Variants in TLK1 observed in about 807,000 individuals in gnomAD.
TLK1 encodes the protein serine/threonine-protein kinase tousled-like 1.
Under a neutral mutation model 105.3 loss-of-function variants are expected in TLK1, and 24 were observed. The ratio of observed to expected loss-of-function variants is 0.23; its 90% CI spans 0.17 to 0.32. The LOEUF (loss-of-function observed/expected upper bound fraction) is 0.32. Among genes scored for constraint, TLK1 ranks in the 10% least tolerant of loss-of-function variants. The pLI, the probability that TLK1 is intolerant of heterozygous loss-of-function variation, is 1.00. For synonymous variants in TLK1, 321 were observed against 310.4 expected, an observed-to-expected ratio of 1.03 and a Z score of -0.36; for missense variants, 558 against 910.5, an observed-to-expected ratio of 0.61 and a Z score of 4.98.
chr2:170,994,012 C>T, intron 20 of TLK1, 56 bp from the exon 21 acceptor site: 1 of 1,499,220 alleles, frequency 6.7e-7, no homozygotes, highest in East Asian at 2.4e-5. Context: ...TTCTAAATAT[C>T]AATCAACTGA....
chr2:171,029,564 G>C (rs191191522), intron 11 of TLK1, among the ~76,000 whole-genome samples: 1 of 152,176 alleles, frequency 6.6e-6, no homozygotes, highest in Non-Finnish European at 1.5e-5. Context: ...CCTGGGCTCA[G>C]GTGACTCTCC....
intron 1 of TLK1, among the ~76,000 whole-genome samples, chr2:171,144,587 TA>T (rs1450668672): frequency 6.6e-6 from 1 of 151,130 alleles, no homozygotes; most frequent in Non-Finnish European, 1.5e-5. Context: ...TCAAATGAAA[TA>T]AAAAGAAAAA....
chr2:171,012,177 T>C (rs1684950326), intron 13 of TLK1, among the ~76,000 whole-genome samples: 1 of 152,092 alleles, frequency 6.6e-6, no homozygotes, highest in Non-Finnish European at 1.5e-5. Context: ...TTGAATGTCA[T>C]GTCAGTGCTC....
At chr2:171,057,722 T>C (rs985532286) in intron 5 of TLK1, among the ~76,000 whole-genome samples, 3 of 152,128 alleles carry the variant, frequency 2.0e-5, no homozygotes, top group African/African-American at 4.8e-5. Flanking sequence ...GAACTTTAAC[T>C]TCTATTCTTT....
At chr2:171,061,786 T>C (rs546448389) in intron 3 of TLK1, among the ~76,000 whole-genome samples, 1 of 152,354 alleles carries the variant, frequency 6.6e-6, no homozygotes, top group African/African-American at 2.4e-5. Context: ...TTTTAAATGT[T>C]TGAAATTTTA....
intron 14 of TLK1, 35 bp downstream of exon 14, chr2:171,011,338 T>C (rs1250369050): frequency 6.4e-7 from 1 of 1,556,716 alleles, no homozygotes; most frequent in Non-Finnish European, 8.8e-7. Flanking sequence ...CCTTGCTACA[T>C]TAGTGTAAAA....
chr2:171,020,988 G>A (rs992905604), intron 12 of TLK1, among the ~76,000 whole-genome samples: 1 of 152,106 alleles, frequency 6.6e-6, no homozygotes, highest in African/African-American at 2.4e-5. Context: ...TGTTCAACTA[G>A]CTTAGATAAT....
chr2:171,071,265 C>G (rs1193430103), intron 3 of TLK1, among the ~76,000 whole-genome samples: 1 of 151,322 alleles, frequency 6.6e-6, no homozygotes, highest in Non-Finnish European at 1.5e-5. Context: ...TGTGCAGAAG[C>G]TTTTTAATTT....
chr2:171,058,107 AT>A, intron 5 of TLK1, 43 bp downstream of exon 5: 1 of 1,597,032 alleles, frequency 6.3e-7, no homozygotes, highest in Non-Finnish European at 8.6e-7. Context: ...TCACAGCAGA[AT>A]AGTACTGAAT....
intron 1 of TLK1, among the ~76,000 whole-genome samples, chr2:171,121,485 T>G (rs1381762376): frequency 1.3e-5 from 2 of 152,142 alleles, no homozygotes; most frequent in African/African-American, 4.8e-5. Flanking sequence ...GAGCCAAGAT[T>G]GCACCACTGC....
At position 171,160,208 on chromosome 2, in the gene TLK1, C is replaced by CGG. The variant is rs1240737709; in HGVS notation, c.139+80_139+81dup. 5.3e-6 allele frequency: 6 copies of CGG among 1,123,922 alleles called. No individual in the cohort carries two copies. Among genetic ancestry groups the CGG allele is most frequent in the Non-Finnish European group, 6.5e-6 (6 of 921,424 alleles). 69.6% of individuals were successfully genotyped at this position (1,123,922 alleles called of 1,614,324 possible). On this transcript the variant is annotated intron_variant, in intron 1 of 20. Coordinates refer to ENST00000431350, the MANE Select transcript of TLK1 (RefSeq NM_012290.5). This position sits in a 1 kb window ranked among gnomAD's most constrained non-coding sequence, Gnocchi z 4.4. Reference sequence around the variant, plus strand: ...AGGGTCTGGCGGAGAAGCCCCGGGGCGGGGGGGGCGGGGGGGGGGCGCGGG... The same window carrying CGG: ...AGGGTCTGGCGGAGAAGCCCCGGGGCGGGGGGGGGGCGGGGGGGGGGCGCGGG...
rs968176914 is a variant in TLK1, at chr2:171,118,860, A to G, written c.140-1003T>C. On this transcript the variant is annotated intron_variant, in intron 1 of 20. Coordinates refer to ENST00000431350, the MANE Select transcript of TLK1 (RefSeq NM_012290.5). The stretch of plus-strand genomic sequence containing the variant: ...TACTCCTATAGATCTTATCTTTTGA[A>G]ATTCCCTTTCTTACTTTTTATCCTC... Among the ~76,000 whole-genome samples the G allele has an allele frequency of 4.6e-5, 7 of 152,074 alleles. No homozygotes were observed. The East Asian group carries it at 1.2e-3, about 25-fold the overall frequency.
At chr2:171,112,696 T>C (rs755036431) in intron 2 of TLK1, among the ~76,000 whole-genome samples, 3 of 152,012 alleles carry the variant, frequency 2.0e-5, no homozygotes, top group Non-Finnish European at 4.4e-5. Context: ...AACAAACCAT[T>C]ACAACCAATA....
intron 11 of TLK1, among the ~76,000 whole-genome samples, chr2:171,043,243 C>T (rs938435243): frequency 1.3e-5 from 2 of 152,100 alleles, no homozygotes; most frequent in Non-Finnish European, 2.9e-5. Flanking sequence ...AAATAACTCC[C>T]ATCTTTCATA....
At chr2:171,048,630 C>CAAGTGTTTGATAT (rs1290211447) in intron 10 of TLK1, among the ~76,000 whole-genome samples, 1 of 151,184 alleles carries the variant, frequency 6.6e-6, no homozygotes, top group South Asian at 2.1e-4. Context: ...AGAATTGAAA[C>CAAGTGTTTGATAT]CCAAACTCTC....
At chr2:171,072,418 C>T (rs1177733647) in intron 3 of TLK1, among the ~76,000 whole-genome samples, 1 of 152,052 alleles carries the variant, frequency 6.6e-6, no homozygotes, top group African/African-American at 2.4e-5. Flanking sequence ...GTTCGACCAG[C>T]CTGGCCAACA....
chr2:171,153,853 T>C (rs1482377154), intron 1 of TLK1: 1 of 152,234 alleles, frequency 6.6e-6, no homozygotes, highest in Non-Finnish European at 1.5e-5. Context: ...CTACTTACCA[T>C]GCTCATAAAC....
chr2:171,141,981 A>G (rs1691594144), intron 1 of TLK1, among the ~76,000 whole-genome samples: 1 of 152,212 alleles, frequency 6.6e-6, no homozygotes, highest in African/African-American at 2.4e-5. Context: ...TCAGAGAACT[A>G]AACTATCTGG....
chr2:171,167,592 T>C (rs1268746746), intron 1 of TLK1, among the ~76,000 whole-genome samples: 1 of 152,186 alleles, frequency 6.6e-6, no homozygotes, highest in Admixed American at 6.5e-5. Context: ...CTTTTGTATA[T>C]AATAGGCTAG....
Sources: allele counts gnomAD v4.1 joint callset (sites outside exome capture counted in the v4.1 genomes callset), GRCh38; gene constraint gnomAD v4.1.1; non-coding constraint Gnocchi (gnomAD v3.1); transcripts MANE v1.5; gene names NCBI Gene and HGNC (gene_info 2026-07-23, HGNC 2026-07-21).